The following WFDC2 variants were observed in gnomAD, a reference collection of about 807,000 sequenced individuals.
WFDC2 encodes the protein WAP four-disulfide core domain 2.
Under a neutral mutation model 12.5 loss-of-function variants are expected in WFDC2, and 8 were observed. That is an observed-to-expected ratio of 0.64 (90% CI 0.37 to 1.15). WFDC2 has a LOEUF of 1.15. WFDC2 is among the 50% of genes most tolerant of loss of function. The pLI is 0.01. For missense variants in WFDC2, 166 were observed against 159.9 expected (o/e 1.04, Z -0.21); for synonymous variants, 74 against 67.2 (o/e 1.10, Z -0.49).
intron 2 of WFDC2, among the ~76,000 whole-genome samples, chr20:45,475,611 T>C (rs1275001920): frequency 2.0e-5 from 3 of 152,230 alleles, no homozygotes; most frequent in African/African-American, 7.2e-5. Context: ...TGGTCAGTTT[T>C]AGAATAAGTG....
chr20:45,472,151 G>C (rs1434678791), intron 2 of WFDC2, among the ~76,000 whole-genome samples: 1 of 152,212 alleles, frequency 6.6e-6, no homozygotes, highest in Non-Finnish European at 1.5e-5. Context: ...TAAGTTCTGG[G>C]GTACACGTGC....
chr20:45,475,489 C>T (rs4812903), intron 2 of WFDC2, among the ~76,000 whole-genome samples: 49,889 of 151,990 alleles, frequency 0.33, 9,750 homozygotes, highest in East Asian at 0.62. Flanking sequence ...GTTATGCGGT[C>T]TTGAGTGAGT....
chr20:45,479,651 A>G lies in WFDC2; in HGVS notation c.224-291A>G. On this transcript the variant is annotated intron_variant, in intron 2 of 3. Transcript: ENST00000372676. ...CCTATGTTGTAATTAGCACTGTTCC[A>G]CTGGCACCTAAAGACACGGAGGCTC... 3.7e-6 allele frequency: 6 copies of G among 1,607,752 alleles called. 1 individual carries two copies. In the South Asian group the frequency reaches 6.6e-5, roughly 18 times the overall value.
chr20:45,470,705 A>G lies in WFDC2; in HGVS notation c.223+173A>G, dbSNP rs1485910527. Among the ~76,000 whole-genome samples, 4 of 152,234 alleles carry G rather than the reference A, an allele frequency of 2.6e-5. No individual in the cohort carries two copies. Among genetic ancestry groups the G allele is most frequent in the Non-Finnish European group, 5.9e-5 (4 of 67,972 alleles). Reference sequence around the variant, plus strand: ...TCTCCCTCGCACGGCCCAGGGGTAGACAAAGGCGTCGTTGAAACGCAGCCA... The same window carrying G: ...TCTCCCTCGCACGGCCCAGGGGTAGGCAAAGGCGTCGTTGAAACGCAGCCA... On this transcript the variant is annotated intron_variant, in intron 2 of 3. Coordinates refer to ENST00000372676, the MANE Select transcript of WFDC2 (RefSeq NM_006103.4). The surrounding 1 kb of genome is among the most constrained non-coding windows in gnomAD (Gnocchi z 5.4).
At chr20:45,474,870 G>A (rs973601013) in intron 2 of WFDC2, among the ~76,000 whole-genome samples, 3 of 152,120 alleles carry the variant, frequency 2.0e-5, no homozygotes, top group Non-Finnish European at 2.9e-5. Context: ...GTTATTGGTC[G>A]ATTCAGGGAT....
chr20:45,470,256 C>T lies in WFDC2; in HGVS notation c.80-133C>T. ...ACTCCTGGTCTGGAAGAAGGAGTCT[C>T]TGGGGGCTGTAAGGGGACTCCTAGG... On this transcript the variant is annotated intron_variant, in intron 1 of 3. Transcript: ENST00000372676. This position sits in a 1 kb window ranked among gnomAD's most constrained non-coding sequence, Gnocchi z 5.4. The T allele has an allele frequency of 7.7e-7, 1 of 1,300,516 alleles. No individual in the cohort carries two copies. The highest frequency in any genetic ancestry group is 1.0e-6 in the Non-Finnish European group (1 of 973,816). 80.6% of individuals were successfully genotyped at this position (1,300,516 alleles called of 1,614,324 possible).
rs964005786 is a variant in WFDC2 at position 45,470,140 on chromosome 20, A to G, written c.80-249A>G. ...CTCTGCCTCGACCTCGGAAGCTCCG[A>G]GACGCTCAGCTGTGCGGCGTCCCCT... is the stretch of plus-strand genomic sequence containing the variant. On this transcript the variant is annotated intron_variant, in intron 1 of 3. Coordinates refer to ENST00000372676, the MANE Select transcript of WFDC2 (RefSeq NM_006103.4). The surrounding 1 kb of genome is among the most constrained non-coding windows in gnomAD (Gnocchi z 5.4). 7.9e-5 allele frequency among the ~76,000 whole-genome samples: 12 copies of G among 152,046 alleles called. No homozygotes were observed. Among genetic ancestry groups the G allele is most frequent in the African/African-American group, 2.9e-4 (12 of 41,382 alleles).
rs778904766 is a variant in WFDC2 at position 45,470,462 on chromosome 20, G to C, written c.153G>C (p.Ser51=). 1 of 1,595,444 alleles carries C rather than the reference G, an allele frequency of 6.3e-7. No individual in the cohort carries two copies. Among genetic ancestry groups the C allele is most frequent in the Non-Finnish European group, 8.5e-7 (1 of 1,170,406 alleles). Residue 51 remains serine (S), a synonymous_variant, in exon 2 of 4, where the codon TCG becomes TCC. Transcript: ENST00000372676. The surrounding 1 kb of genome is among the most constrained non-coding windows in gnomAD (Gnocchi z 5.4). ...ADQNCTQECV[S]DSECADNLKC... is the part of the protein sequence containing the mutation. ...AGAACTGCACGCAAGAGTGCGTCTC[G>C]GACAGCGAATGCGCCGACAACCTCA...
At position 45,480,104 on chromosome 20, in the gene WFDC2, C is replaced by T. The variant is rs368991156; in HGVS notation, c.*1+10C>T. The T allele has an allele frequency of 8.6e-5, 138 of 1,612,680 alleles. No homozygotes were observed. Among genetic ancestry groups the T allele is most frequent in the African/African-American group, 5.2e-4 (39 of 74,794 alleles). ...ACTCCCAATTTCTGAGGTAAGTGAA[C>T]GGGAAAGAGAAAGTGCATTGATGGC... On this transcript the variant is annotated intron_variant, in intron 3 of 3. Transcript: ENST00000372676.
chr20:45,474,762 C>T (rs1991212681), intron 2 of WFDC2, among the ~76,000 whole-genome samples: 1 of 152,152 alleles, frequency 6.6e-6, no homozygotes, highest in Non-Finnish European at 1.5e-5. Context: ...ACCAGCAACT[C>T]CTCTTTGTAC....
intron 2 of WFDC2, among the ~76,000 whole-genome samples, chr20:45,478,326 T>G (rs1344426812): frequency 2.0e-5 from 3 of 152,180 alleles, no homozygotes; most frequent in Non-Finnish European, 4.4e-5. Context: ...CTGTGGGTTG[T>G]GAAGACCGTG....
chr20:45,475,387 T>C (rs1304878266), intron 2 of WFDC2, among the ~76,000 whole-genome samples: 1 of 152,236 alleles, frequency 6.6e-6, no homozygotes, highest in Non-Finnish European at 1.5e-5. Flanking sequence ...GTCTTTGTTC[T>C]CATTGGTTTC....
chr20:45,469,921 A>G, intron 1 of WFDC2, 61 bp downstream of exon 1: 1 of 1,553,774 alleles, frequency 6.4e-7, no homozygotes, highest in South Asian at 1.2e-5. Context: ...GCCAGGATGG[A>G]GCCAGGCGGA....
chr20:45,476,993 T>A (rs1991240866), intron 2 of WFDC2, among the ~76,000 whole-genome samples: 2 of 151,960 alleles, frequency 1.3e-5, no homozygotes, highest in Non-Finnish European at 2.9e-5. Context: ...ATAGGCTTCA[T>A]GACGTTCTCG....
intron 2 of WFDC2, among the ~76,000 whole-genome samples, chr20:45,477,017 A>G (rs1440515589): frequency 6.6e-6 from 1 of 151,760 alleles, no homozygotes; most frequent in Admixed American, 6.6e-5. Flanking sequence ...TGTGTTTTTC[A>G]GCTCCATCAG....
chr20:45,470,692 G>T lies in WFDC2; in HGVS notation c.223+160G>T, dbSNP rs1055539005. ...GATCCGTCAGTCCTCTCCCTCGCACGGCCCAGGGGTAGACAAAGGCGTCGT... is the reference window on the plus strand; with the variant it reads ...GATCCGTCAGTCCTCTCCCTCGCACTGCCCAGGGGTAGACAAAGGCGTCGT... On this transcript the variant is annotated intron_variant, in intron 2 of 3. Coordinates refer to ENST00000372676, the MANE Select transcript of WFDC2 (RefSeq NM_006103.4). The surrounding 1 kb of genome is among the most constrained non-coding windows in gnomAD (Gnocchi z 5.4). Among the ~76,000 whole-genome samples, 2 of 152,118 alleles carry T rather than the reference G, an allele frequency of 1.3e-5. No individual in the cohort carries two copies. Among genetic ancestry groups the T allele is most frequent in the Non-Finnish European group, 2.9e-5 (2 of 67,988 alleles).
At position 45,470,130 on chromosome 20, in the gene WFDC2, G is replaced by C. The variant is rs1228159587; in HGVS notation, c.80-259G>C. 6.6e-6 allele frequency among the ~76,000 whole-genome samples: 1 copy of C among 152,122 alleles called. No individual in the cohort carries two copies. Among genetic ancestry groups the C allele is most frequent in the Non-Finnish European group, 1.5e-5 (1 of 68,006 alleles). ...GTGGGGGCTGCTCTGCCTCGACCTC[G>C]GAAGCTCCGAGACGCTCAGCTGTGC... On this transcript the variant is annotated intron_variant, in intron 1 of 3. Transcript: ENST00000372676. The surrounding 1 kb of genome is among the most constrained non-coding windows in gnomAD (Gnocchi z 5.4).
At chr20:45,471,456 G>C (rs1991171176) in intron 2 of WFDC2, 2 of 190,840 alleles carry the variant, frequency 1.0e-5, no homozygotes, top group Admixed American at 5.6e-5. Flanking sequence ...TACAGCCCCT[G>C]TGACTTTTCC....
intron 2 of WFDC2, 26 bp from the exon 3 acceptor site, chr20:45,479,916 T>A: frequency 6.2e-7 from 1 of 1,614,224 alleles, no homozygotes; most frequent in Non-Finnish European, 8.5e-7. Context: ...CTCTGCCCAC[T>A]TACCCTTACT....
Sources: gnomAD v4.1 joint callset for allele counts (sites outside exome capture counted in the v4.1 genomes callset) on GRCh38, gnomAD v4.1.1 for gene constraint, Gnocchi (gnomAD v3.1) non-coding constraint, MANE v1.5 for transcripts, NCBI Gene and HGNC (gene_info 2026-07-23, HGNC 2026-07-21) for gene names.